The following ADAMTSL1 variants were observed in gnomAD, a reference collection of about 807,000 sequenced individuals.
ADAMTSL1 encodes the protein ADAMTS like 1, also known as ADAMTS-like protein 1.
In ADAMTSL1, 126 loss-of-function variants were observed where a neutral mutation model predicts 201.8. That is an observed-to-expected ratio of 0.62 (90% confidence interval 0.54 to 0.72). The LOEUF (loss-of-function observed/expected upper bound fraction) is 0.72, where lower values mean the gene tolerates loss of function less well. Among genes scored for constraint, ADAMTSL1 ranks in the 30% least tolerant of loss-of-function variants. The pLI, the probability that ADAMTSL1 is intolerant of heterozygous loss-of-function variation, is 0.00. For missense variants in ADAMTSL1, 2,679 were observed against 2,277.8 expected (o/e 1.18, Z -3.59); for synonymous variants, 1,121 against 903.4 (o/e 1.24, Z -4.32).
At chr9:18,098,082 C>G (rs561703482) in intron 1 of ADAMTSL1, among the ~76,000 whole-genome samples, 1 of 151,806 alleles carries the variant, frequency 6.6e-6, no homozygotes, top group Non-Finnish European at 1.5e-5. Context: ...TTATTGAAAA[C>G]GTGATCCAAT....
chr9:18,127,221 G>A (rs1029729219), intron 1 of ADAMTSL1, among the ~76,000 whole-genome samples: 16 of 152,062 alleles, frequency 1.1e-4, no homozygotes, highest in Non-Finnish European at 2.2e-4. Context: ...CTTCAAGTAG[G>A]AAGAAAACAG....
At chr9:18,611,794 C>T (rs1825392490) in intron 4 of ADAMTSL1, among the ~76,000 whole-genome samples, 1 of 152,172 alleles carries the variant, frequency 6.6e-6, no homozygotes, top group Non-Finnish European at 1.5e-5. Context: ...TAGCACCTGG[C>T]AAAAGTTTAT....
chr9:18,650,895 T>C (rs777355738), intron 7 of ADAMTSL1, among the ~76,000 whole-genome samples: 1 of 152,196 alleles, frequency 6.6e-6, no homozygotes. Flanking sequence ...TTTTATGGAA[T>C]GGTAATAAAA....
chr9:18,654,148 G>C lies in ADAMTSL1; in HGVS notation c.835-3491G>C, dbSNP rs544819498. ...GGAGGTTGAGGCAGGAAAATTGCTT[G>C]AACCCAGGAGACAGAGGTTGCAGTG... On this transcript the variant is annotated intron_variant, in intron 7 of 28. Transcript: ENST00000380548. Among the ~76,000 whole-genome samples the C allele has an allele frequency of 1.1e-4, 17 of 152,338 alleles. No homozygotes were observed. In the South Asian group the frequency reaches 1.9e-3, roughly 17 times the overall value.
intron 2 of ADAMTSL1, among the ~76,000 whole-genome samples, chr9:18,176,086 A>C (rs765841484): frequency 2.6e-5 from 4 of 151,948 alleles, no homozygotes; most frequent in Non-Finnish European, 5.9e-5. Flanking sequence ...AAGGTAATTA[A>C]AAAATTCAGA....
chr9:18,580,910 A>G (rs1188369497), intron 4 of ADAMTSL1, among the ~76,000 whole-genome samples: 2 of 152,140 alleles, frequency 1.3e-5, no homozygotes, highest in East Asian at 1.9e-4. Flanking sequence ...ACCTCTTGCT[A>G]AAATACAGAT....
At chr9:18,253,794 T>A (rs548301380) in intron 2 of ADAMTSL1, among the ~76,000 whole-genome samples, 1 of 152,288 alleles carries the variant, frequency 6.6e-6, no homozygotes, top group Non-Finnish European at 1.5e-5. Flanking sequence ...GATCTCCCCT[T>A]AAATAACAAT....
intron 2 of ADAMTSL1, among the ~76,000 whole-genome samples, chr9:18,429,485 C>T (rs1046876536): frequency 3.9e-5 from 6 of 152,082 alleles, no homozygotes; most frequent in South Asian, 2.1e-4. Context: ...AAATAAGTGA[C>T]GGTTTCTAAA....
intron 1 of ADAMTSL1, among the ~76,000 whole-genome samples, chr9:17,970,503 T>A (rs773362566): frequency 2.6e-5 from 4 of 152,000 alleles, no homozygotes; most frequent in Non-Finnish European, 4.4e-5. Flanking sequence ...GCTTGACCCT[T>A]CTTTCTTGTC....
chr9:18,226,226 G>C (rs1830430982), intron 2 of ADAMTSL1, among the ~76,000 whole-genome samples: 1 of 152,020 alleles, frequency 6.6e-6, no homozygotes, highest in African/African-American at 2.4e-5. Context: ...TGTACCTGTT[G>C]TTTAGTTGTA....
chr9:18,841,552 A>G (rs1454248372), intron 23 of ADAMTSL1, among the ~76,000 whole-genome samples: 7 of 152,126 alleles, frequency 4.6e-5, no homozygotes, highest in East Asian at 3.8e-4. Flanking sequence ...CTGGCCTCAT[A>G]AAATGAGTTA....
At chr9:18,510,857 C>A (rs1240886342) in intron 2 of ADAMTSL1, among the ~76,000 whole-genome samples, 1 of 151,948 alleles carries the variant, frequency 6.6e-6, no homozygotes, top group African/African-American at 2.4e-5. Flanking sequence ...GAAGCTGCTC[C>A]TCTCTCCAGT....
chr9:18,779,940 G>A (rs12377348), intron 19 of ADAMTSL1, among the ~76,000 whole-genome samples: 24,426 of 152,108 alleles, frequency 0.16, 2,156 homozygotes, highest in Middle Eastern at 0.25. Context: ...AGGGAATCAC[G>A]ACTGGCTGCA....
At chr9:18,232,555 T>G (rs1018153062) in intron 2 of ADAMTSL1, among the ~76,000 whole-genome samples, 42 of 152,248 alleles carry the variant, frequency 2.8e-4, no homozygotes, top group South Asian at 4.1e-4. Context: ...GACTATTGCA[T>G]AGTTAAAACT....
At chr9:18,573,917 C>T in intron 3 of ADAMTSL1, 113 bp from the exon 4 acceptor site, 2 of 759,742 alleles carry the variant, frequency 2.6e-6, no homozygotes, top group Non-Finnish European at 4.4e-6. Flanking sequence ...TCTATCATGA[C>T]CAGGACATTT....
intron 1 of ADAMTSL1, among the ~76,000 whole-genome samples, chr9:18,069,822 T>A (rs757677245): frequency 1.3e-5 from 2 of 152,184 alleles, no homozygotes; most frequent in Non-Finnish European, 2.9e-5. Context: ...ACTATGGTAA[T>A]GGCATTGGTG....
chr9:17,992,338 T>C (rs1452209041), intron 1 of ADAMTSL1, among the ~76,000 whole-genome samples: 1 of 152,204 alleles, frequency 6.6e-6, no homozygotes, highest in East Asian at 1.9e-4. Flanking sequence ...GGGTACCTCC[T>C]AGTACTTTGT....
chr9:18,213,646 T>G (rs1019583276), intron 2 of ADAMTSL1, among the ~76,000 whole-genome samples: 1 of 152,188 alleles, frequency 6.6e-6, no homozygotes, highest in African/African-American at 2.4e-5. Flanking sequence ...TATATCTCTA[T>G]AGGGAATTGA....
chr9:18,816,005 A>G (rs995210919), intron 20 of ADAMTSL1, among the ~76,000 whole-genome samples: 2 of 152,160 alleles, frequency 1.3e-5, no homozygotes, highest in African/African-American at 4.8e-5. Flanking sequence ...TGTGGTCAGG[A>G]CATTCAAAAT....
Sources: allele counts gnomAD v4.1 joint callset (sites outside exome capture counted in the v4.1 genomes callset), GRCh38; gene constraint gnomAD v4.1.1; transcripts MANE v1.5; gene names NCBI Gene and HGNC (gene_info 2026-07-23, HGNC 2026-07-21).